Variants in WWP2 observed in about 807,000 individuals in gnomAD.
The protein encoded by WWP2 is NEDD4-like E3 ubiquitin-protein ligase WWP2.
Under a neutral mutation model 121.0 loss-of-function variants are expected in WWP2, and 57 were observed. That is an observed-to-expected ratio of 0.47 (90% CI 0.38 to 0.59). WWP2 has a LOEUF of 0.59. Among genes scored for constraint, WWP2 ranks in the 20% least tolerant of loss-of-function variants. WWP2 has a pLI of 0.00. For missense variants in WWP2, 962 were observed against 1,158.9 expected (o/e 0.83, Z 2.47); for synonymous variants, 449 against 441.3 (o/e 1.02, Z -0.22).
chr16:69,810,168 G>A (rs982395520), intron 4 of WWP2, among the ~76,000 whole-genome samples: 3 of 152,360 alleles, frequency 2.0e-5, no homozygotes, highest in Middle Eastern at 3.4e-3. Context: ...TTCCCTGGGT[G>A]GACTTGGACA....
At chr16:69,858,793 T>C (rs1298659811) in intron 6 of WWP2, among the ~76,000 whole-genome samples, 2 of 152,220 alleles carry the variant, frequency 1.3e-5, no homozygotes, top group Admixed American at 6.5e-5. Context: ...TTACTTACCC[T>C]CTAAGAATAG....
chr16:69,827,715 C>T (rs983093710), intron 4 of WWP2, among the ~76,000 whole-genome samples: 1 of 152,194 alleles, frequency 6.6e-6, no homozygotes, highest in African/African-American at 2.4e-5. Flanking sequence ...TCCCTGAGGG[C>T]ACAGAGCATG....
At chr16:69,785,686 G>A (rs1046655796) in intron 1 of WWP2, among the ~76,000 whole-genome samples, 3 of 151,408 alleles carry the variant, frequency 2.0e-5, no homozygotes, top group Admixed American at 6.6e-5. Context: ...GAGTGCCATG[G>A]CACAGTCTCG....
intron 4 of WWP2, among the ~76,000 whole-genome samples, chr16:69,814,566 C>T (rs943177842): frequency 1.3e-5 from 2 of 152,228 alleles, no homozygotes; most frequent in Non-Finnish European, 2.9e-5. Flanking sequence ...GTACTTTATG[C>T]TGTCCATGTT....
chr16:69,937,529 G>T lies in WWP2; in HGVS notation c.2239-19G>T. On this transcript the variant is annotated intron_variant, in intron 20 of 23. Transcript: ENST00000359154. The surrounding 1 kb of genome is among the most constrained non-coding windows in gnomAD (Gnocchi z 6.6). ...CGGGGAGGGACCTGCCGGGGATGCT[G>T]ACTGCCGCCTCTCCCCAGCTGATGC... 6.2e-7 allele frequency: 1 copy of T among 1,613,502 alleles called. No individual in the cohort carries two copies. The highest frequency in any genetic ancestry group is 1.1e-5 in the South Asian group (1 of 91,008).
At chr16:69,822,188 G>A (rs1471050011) in intron 4 of WWP2, among the ~76,000 whole-genome samples, 2 of 152,062 alleles carry the variant, frequency 1.3e-5, no homozygotes, top group East Asian at 3.9e-4. Flanking sequence ...TTCCTTCTTA[G>A]ACTTAAGAGT....
chr16:69,787,205 A>G, intron 2 of WWP2, 125 bp downstream of exon 2: 1 of 606,820 alleles, frequency 1.6e-6, no homozygotes, highest in East Asian at 3.2e-5. Context: ...ATTTATTCTC[A>G]TGGGATTGTC....
At chr16:69,834,926 T>C (rs1433686057) in intron 4 of WWP2, among the ~76,000 whole-genome samples, 12 of 152,258 alleles carry the variant, frequency 7.9e-5, no homozygotes, top group African/African-American at 2.4e-4. Context: ...AAGTAGAATG[T>C]AAATGCTCTA....
chr16:69,826,460 T>C (rs1236746011), intron 4 of WWP2, among the ~76,000 whole-genome samples: 2 of 149,962 alleles, frequency 1.3e-5, no homozygotes, highest in African/African-American at 4.9e-5. Context: ...TAGTCCCAGC[T>C]ACTTGGGAGG....
chr16:69,897,698 A>G lies in WWP2; in HGVS notation c.914+9449A>G, dbSNP rs141806606. ...GCCGAGCTGGGTGGATCACAAGGTC[A>G]GGAGTTCGAGACCAGCCTGGCCAAT... On this transcript the variant is annotated intron_variant, in intron 8 of 23. Transcript: ENST00000359154. 5.8e-3 allele frequency among the ~76,000 whole-genome samples: 879 copies of G among 152,178 alleles called. 5 individuals are homozygous for G. The highest frequency in any genetic ancestry group is 0.02 in the African/African-American group (829 of 41,538).
chr16:69,908,725 T>C lies in WWP2; in HGVS notation c.915-36T>C, dbSNP rs1163959602. On this transcript the variant is annotated intron_variant, in intron 8 of 23. Transcript: ENST00000359154. Reference sequence around the variant, plus strand: ...CTAACAGGGGCCTATGCCTTTCCACTGTGTGTCTCATGCTACCCTTGACTT... The same window carrying C: ...CTAACAGGGGCCTATGCCTTTCCACCGTGTGTCTCATGCTACCCTTGACTT... The C allele has an allele frequency of 3.7e-6, 6 of 1,613,316 alleles. No homozygotes were observed. In the East Asian group the frequency reaches 1.1e-4, roughly 30 times the overall value.
chr16:69,797,000 C>A (rs925876319), intron 2 of WWP2, among the ~76,000 whole-genome samples: 14 of 152,210 alleles, frequency 9.2e-5, no homozygotes, highest in African/African-American at 3.4e-4. Flanking sequence ...AACAGGGAAG[C>A]TCAGGCTAGG....
intron 1 of WWP2, among the ~76,000 whole-genome samples, chr16:69,769,311 C>A (rs2055364056): frequency 1.1e-5 from 1 of 89,860 alleles, no homozygotes. Flanking sequence ...AGCAAGACTC[C>A]ATCTCAAAAA....
At chr16:69,786,137 CT>C (rs66601463) in intron 1 of WWP2, 45,062 of 139,768 alleles carry the variant, frequency 0.32, 8,305 homozygotes, top group Non-Finnish European at 0.43. Context: ...TTGGAGATGT[CT>C]TTTTTTTTTT....
rs2056457614 is a variant in WWP2, at chr16:69,814,728, T to TG, written c.340+15436dup. On this transcript the variant is annotated intron_variant, in intron 4 of 23. Transcript: ENST00000359154. Reference sequence around the variant, plus strand: ...GAACAGACAGGCCAGTCATGAGCGGTGGGCCTCCTCCCTTATTGCTCCGTG... The same window carrying TG: ...GAACAGACAGGCCAGTCATGAGCGGTGGGGCCTCCTCCCTTATTGCTCCGTG... 2.6e-5 allele frequency among the ~76,000 whole-genome samples: 4 copies of TG among 152,304 alleles called. No individual in the cohort carries two copies. The South Asian group carries it at 8.3e-4, about 32-fold the overall frequency.
chr16:69,794,528 C>CAA (rs575780366), intron 2 of WWP2, among the ~76,000 whole-genome samples: 1 of 139,458 alleles, frequency 7.2e-6, no homozygotes, highest in Non-Finnish European at 1.6e-5. Flanking sequence ...GACCCGGTCT[C>CAA]AAAAAAAAAA....
intron 9 of WWP2, chr16:69,909,779 G>A (rs898647130): frequency 2.4e-5 from 21 of 863,720 alleles, no homozygotes; most frequent in Non-Finnish European, 2.9e-5. Flanking sequence ...TTATTATTAT[G>A]GAAAATTTCA....
intron 10 of WWP2, among the ~76,000 whole-genome samples, chr16:69,918,458 A>G (rs1490290398): frequency 6.6e-6 from 1 of 152,208 alleles, no homozygotes; most frequent in Non-Finnish European, 1.5e-5. Flanking sequence ...GAAACATAAG[A>G]ACACCCAGCA....
chr16:69,782,337 G>A (rs2055681238), intron 1 of WWP2, among the ~76,000 whole-genome samples: 1 of 152,158 alleles, frequency 6.6e-6, no homozygotes, highest in African/African-American at 2.4e-5. Context: ...GACAGAATGA[G>A]GTAACTGAGA....
Sources: allele counts gnomAD v4.1 joint callset (sites outside exome capture counted in the v4.1 genomes callset), GRCh38; gene constraint gnomAD v4.1.1; non-coding constraint Gnocchi (gnomAD v3.1); transcripts MANE v1.5; gene names NCBI Gene and HGNC (gene_info 2026-07-23, HGNC 2026-07-21).